NEK11: variants seen among roughly 807,000 people sequenced by gnomAD.
NEK11 encodes NIMA related kinase 11, also known as serine/threonine-protein kinase Nek11.
NEK11 carries 72 observed loss-of-function variants against 80.7 expected under a neutral mutation model. The ratio of observed to expected loss-of-function variants is 0.89; its 90% CI spans 0.74 to 1.08. NEK11 has a LOEUF of 1.08. Among genes scored for constraint, NEK11 ranks in the 50% least tolerant of loss-of-function variants. NEK11 has a pLI of 0.00. For synonymous variants in NEK11, 251 were observed against 260.7 expected, an observed-to-expected ratio of 0.96 and a Z score of 0.36; for missense variants, 764 against 763.6, an observed-to-expected ratio of 1.00 and a Z score of -0.01.
At chr3:131,100,421 C>A (rs1450542613) in intron 4 of NEK11, among the ~76,000 whole-genome samples, 2 of 151,974 alleles carry the variant, frequency 1.3e-5, no homozygotes, top group Non-Finnish European at 2.9e-5. Context: ...TGGTGAAATC[C>A]CGTCTCTACT....
chr3:131,036,553 G>A (rs541019657), intron 3 of NEK11, among the ~76,000 whole-genome samples: 3 of 152,290 alleles, frequency 2.0e-5, no homozygotes, highest in South Asian at 2.1e-4. Flanking sequence ...CTTGGTTCTT[G>A]TGAGGTACAA....
At chr3:131,331,271 A>G (rs889181135) in intron 17 of NEK11, among the ~76,000 whole-genome samples, 1 of 152,220 alleles carries the variant, frequency 6.6e-6, no homozygotes, top group Non-Finnish European at 1.5e-5. Context: ...GCATTCAGCA[A>G]AGAGGCAGTT....
chr3:131,222,145 A>T (rs549924001), intron 14 of NEK11, among the ~76,000 whole-genome samples: 5 of 152,298 alleles, frequency 3.3e-5, no homozygotes, highest in Admixed American at 2.6e-4. Context: ...CCTTTCTGAA[A>T]TGGTTTTACT....
intron 3 of NEK11, among the ~76,000 whole-genome samples, chr3:131,053,038 A>G (rs1252396756): frequency 1.3e-5 from 2 of 152,146 alleles, no homozygotes; most frequent in Admixed American, 6.6e-5. Flanking sequence ...TCTTATTAGC[A>G]TTAATGTACC....
chr3:131,196,380 T>C (rs189043241), intron 14 of NEK11, among the ~76,000 whole-genome samples: 1 of 152,256 alleles, frequency 6.6e-6, no homozygotes, highest in Admixed American at 6.5e-5. Context: ...ATTAAAAATT[T>C]AAATATTTAA....
chr3:131,282,858 AG>A (rs2096417903), intron 17 of NEK11, among the ~76,000 whole-genome samples: 2 of 151,932 alleles, frequency 1.3e-5, no homozygotes, highest in South Asian at 4.1e-4. Context: ...TTCCTAAGAT[AG>A]GGTAGTAACA....
At chr3:131,258,571 G>A (rs1394471173) in intron 16 of NEK11, among the ~76,000 whole-genome samples, 1 of 152,174 alleles carries the variant, frequency 6.6e-6, no homozygotes, top group Admixed American at 6.5e-5. Context: ...ATCTTAGCCT[G>A]TATCCACATT....
At chr3:131,290,062 G>C (rs1018463203) in intron 17 of NEK11, among the ~76,000 whole-genome samples, 5 of 152,206 alleles carry the variant, frequency 3.3e-5, no homozygotes, top group African/African-American at 1.2e-4. Context: ...TCTGAAGAAA[G>C]CCAACTCATT....
intron 15 of NEK11, among the ~76,000 whole-genome samples, chr3:131,235,194 G>C (rs1169500897): frequency 6.6e-6 from 1 of 152,116 alleles, no homozygotes. Context: ...CCGCTGTGCT[G>C]CTCCTGGAAC....
chr3:131,347,690 T>C (rs1463960010), intron 17 of NEK11, among the ~76,000 whole-genome samples: 2 of 152,086 alleles, frequency 1.3e-5, no homozygotes, highest in Non-Finnish European at 1.5e-5. Context: ...GAGGCCAAGG[T>C]GGGCCTGTAA....
In NEK11 at chr3:131,193,060, AT is replaced by A. The variant is rs949246868; in HGVS notation, c.1399+22176del. On this transcript the variant is annotated intron_variant, in intron 14 of 17. Transcript: ENST00000383366. ...ATACCGTATTAGAAAGTAAAACAGA[AT>A]TTAAAAATAGTCACTTAAAAATAAC... Among the ~76,000 whole-genome samples, 96 of 152,352 alleles carry A rather than the reference AT, an allele frequency of 6.3e-4. 1 individual carries two copies. Among genetic ancestry groups the A allele is most frequent in the African/African-American group, 1.9e-3 (78 of 41,586 alleles).
At chr3:131,275,063 G>GT (rs59467936) in intron 17 of NEK11, among the ~76,000 whole-genome samples, 23 of 151,476 alleles carry the variant, frequency 1.5e-4, no homozygotes, top group Non-Finnish European at 3.1e-4. Context: ...TTTTTCATGT[G>GT]TTTTTTTGGC....
chr3:131,095,557 G>T (rs561238649), intron 4 of NEK11, among the ~76,000 whole-genome samples: 3 of 152,012 alleles, frequency 2.0e-5, no homozygotes, highest in East Asian at 3.9e-4. Flanking sequence ...TTAAAATTAC[G>T]AGTGATAGTA....
chr3:131,049,427 C>T (rs2109966053), intron 3 of NEK11, among the ~76,000 whole-genome samples: 1 of 152,288 alleles, frequency 6.6e-6, no homozygotes, highest in South Asian at 2.1e-4. Flanking sequence ...AAATTTTATC[C>T]TAAGACTTAG....
intron 3 of NEK11, among the ~76,000 whole-genome samples, chr3:131,060,349 G>T (rs528430941): frequency 6.6e-6 from 1 of 152,292 alleles, no homozygotes; most frequent in East Asian, 1.9e-4. Flanking sequence ...GCTTGGTCTT[G>T]CCCTTGTTAA....
At chr3:131,095,210 A>G (rs1467711052) in intron 4 of NEK11, among the ~76,000 whole-genome samples, 1 of 152,136 alleles carries the variant, frequency 6.6e-6, no homozygotes, top group East Asian at 1.9e-4. Context: ...CAACCAATTA[A>G]TTGGTGTTCT....
intron 4 of NEK11, among the ~76,000 whole-genome samples, chr3:131,084,227 C>G (rs1050132747): frequency 4.6e-5 from 7 of 152,196 alleles, no homozygotes; most frequent in Non-Finnish European, 1.0e-4. Flanking sequence ...ATGTCAGATT[C>G]TCAGCATGTG....
intron 14 of NEK11, among the ~76,000 whole-genome samples, chr3:131,194,754 C>A (rs2093932770): frequency 6.6e-6 from 1 of 152,084 alleles, no homozygotes; most frequent in Non-Finnish European, 1.5e-5. Context: ...AACTGTCATC[C>A]TACCGATCAT....
chr3:131,160,945 A>G (rs949164922), intron 10 of NEK11, among the ~76,000 whole-genome samples: 5 of 152,158 alleles, frequency 3.3e-5, no homozygotes, highest in African/African-American at 1.2e-4. Flanking sequence ...AAAGCTTTAC[A>G]CCAGTCAGAA....
Sources: gnomAD v4.1 joint callset for allele counts (sites outside exome capture counted in the v4.1 genomes callset) on GRCh38, gnomAD v4.1.1 for gene constraint, MANE v1.5 for transcripts, NCBI Gene and HGNC (gene_info 2026-07-23, HGNC 2026-07-21) for gene names.